RFX2: variants seen among roughly 807,000 people sequenced by gnomAD.
RFX2 encodes DNA-binding protein RFX2.
In RFX2, 20 loss-of-function variants were observed where a neutral mutation model predicts 87.8. That is an observed-to-expected ratio of 0.23 (90% CI 0.16 to 0.33). RFX2 has a LOEUF of 0.33. RFX2 is among the 10% of genes least tolerant of loss of function. RFX2 has a pLI of 1.00. For missense variants in RFX2, 767 were observed against 1,012.3 expected (o/e 0.76, Z 3.29); for synonymous variants, 397 against 431.3 (o/e 0.92, Z 0.98).
At chr19:6,094,786 T>C (rs1263069830) in intron 1 of RFX2, among the ~76,000 whole-genome samples, 1 of 152,254 alleles carries the variant, frequency 6.6e-6, no homozygotes, top group Non-Finnish European at 1.5e-5. Context: ...GTTCATTGGA[T>C]GAAATGTATT....
At position 6,007,543 on chromosome 19, in the gene RFX2, CA is replaced by C; in HGVS notation, c.1247+146del. On this transcript the variant is annotated intron_variant, in intron 11 of 17. Coordinates refer to ENST00000303657, the MANE Select transcript of RFX2 (RefSeq NM_000635.4). This position sits in a 1 kb window ranked among gnomAD's most constrained non-coding sequence, Gnocchi z 8.2. ...AATGTGAATTTCAAGTCAACTCTAC[CA>C]AGTCTAAAAATTACAGGGATGGAGG... 1 of 618,180 alleles carries C rather than the reference CA, an allele frequency of 1.6e-6. No homozygotes were observed. Among genetic ancestry groups the C allele is most frequent in the Non-Finnish European group, 2.9e-6 (1 of 345,368 alleles). The allele number at this position is 618,180 out of a possible 1,614,324, so 38.3% of individuals were successfully genotyped here.
In RFX2 at chr19:6,021,010, C is replaced by G. The variant is rs1007998768; in HGVS notation, c.598-4739G>C. ...GGTTCTGGGCTCTTTGCAGGCACAG[C>G]CCCTGTGGACAGATATCCTCACCTG... On this transcript the variant is annotated intron_variant, in intron 6 of 17. Coordinates refer to ENST00000303657, the MANE Select transcript of RFX2 (RefSeq NM_000635.4). This position sits in a 1 kb window ranked among gnomAD's most constrained non-coding sequence, Gnocchi z 5.7. Among the ~76,000 whole-genome samples, 3 of 152,194 alleles carry G rather than the reference C, an allele frequency of 2.0e-5. No homozygotes were observed. The highest frequency in any genetic ancestry group is 7.2e-5 in the African/African-American group (3 of 41,442).
In RFX2 at chr19:6,027,810, G is replaced by GAGTGC. The variant is rs2086910545; in HGVS notation, c.523-1578_523-1574dup. Among the ~76,000 whole-genome samples, 1 of 152,218 alleles carries GAGTGC rather than the reference G, an allele frequency of 6.6e-6. No homozygotes were observed. Among genetic ancestry groups the GAGTGC allele is most frequent in the Non-Finnish European group, 1.5e-5 (1 of 68,032 alleles). ...GAGTCTTACTCTGTTTCCCAGGCTG[G>GAGTGC]AGTGCAGTGATGTGATCTCGGCTCA... On this transcript the variant is annotated intron_variant, in intron 5 of 17. Transcript: ENST00000303657. This position sits in a 1 kb window ranked among gnomAD's most constrained non-coding sequence, Gnocchi z 5.0.
rs1431938567 is a variant in RFX2 at position 6,016,452 on chromosome 19, G to C, written c.598-181C>G. ...GTCACCCAGTCTGGAGTACAGTGGC[G>C]CAATCTCGGCTCACTGCAGCCTCTG... On this transcript the variant is annotated intron_variant, in intron 6 of 17. Transcript: ENST00000303657. The surrounding 1 kb of genome is among the most constrained non-coding windows in gnomAD (Gnocchi z 5.4). 6.6e-6 allele frequency among the ~76,000 whole-genome samples: 1 copy of C among 152,122 alleles called. No individual in the cohort carries two copies. The highest frequency in any genetic ancestry group is 2.4e-5 in the African/African-American group (1 of 41,408).
intron 1 of RFX2, chr19:6,073,445 A>G (rs1486514197): frequency 2.0e-6 from 2 of 975,862 alleles, no homozygotes; most frequent in Non-Finnish European, 3.1e-6. Context: ...TTCCTCCAAG[A>G]AACAAAACCA....
At chr19:6,032,519 G>A (rs2086965823) in intron 5 of RFX2, among the ~76,000 whole-genome samples, 1 of 152,204 alleles carries the variant, frequency 6.6e-6, no homozygotes, top group African/African-American at 2.4e-5. Context: ...GCCTGGAGAA[G>A]GGAAAAGCCC....
chr19:6,009,346 G>A (rs1366834924), intron 9 of RFX2, among the ~76,000 whole-genome samples: 1 of 151,944 alleles, frequency 6.6e-6, no homozygotes, highest in Non-Finnish European at 1.5e-5. Flanking sequence ...CCACCCCCCT[G>A]CCCTCCCTCA....
intron 1 of RFX2, among the ~76,000 whole-genome samples, chr19:6,075,212 G>A (rs2087673906): frequency 6.6e-6 from 1 of 152,082 alleles, no homozygotes; most frequent in Non-Finnish European, 1.5e-5. Context: ...TGCTGAAACA[G>A]CCCAAACAGA....
rs1460565012 is a variant in RFX2 at position 6,010,056 on chromosome 19, A to C, written c.1015+80T>G. On this transcript the variant is annotated intron_variant, in intron 9 of 17. Coordinates refer to ENST00000303657, the MANE Select transcript of RFX2 (RefSeq NM_000635.4). The surrounding 1 kb of genome is among the most constrained non-coding windows in gnomAD (Gnocchi z 5.0). ...TGTCGGAAGCAGACGCTTAGACACC[A>C]CTGGTTCTGCTGGTGTTGAAACCCA... The C allele has an allele frequency of 9.8e-6, 8 of 819,280 alleles. No homozygotes were observed. Among genetic ancestry groups the C allele is most frequent in the Non-Finnish European group, 1.6e-5 (8 of 511,794 alleles). 50.8% of individuals were successfully genotyped at this position (819,280 alleles called of 1,614,324 possible). A position where few individuals can be genotyped will look rare whatever the true frequency, so the allele number is the denominator to read the frequency against.
intron 1 of RFX2, among the ~76,000 whole-genome samples, chr19:6,085,436 A>G (rs1007621687): frequency 2.6e-5 from 4 of 152,248 alleles, no homozygotes; most frequent in Non-Finnish European, 4.4e-5. Context: ...AAGAAAGAGA[A>G]ATATCTACTC....
intron 1 of RFX2, chr19:6,049,087 G>A (rs1304183889): frequency 6.6e-6 from 1 of 152,200 alleles, no homozygotes; most frequent in Non-Finnish European, 1.5e-5. Flanking sequence ...ATTTCCCATA[G>A]TGTATTTCCT....
At position 6,026,675 on chromosome 19, in the gene RFX2, C is replaced by T. The variant is rs2086892522; in HGVS notation, c.523-438G>A. On this transcript the variant is annotated intron_variant, in intron 5 of 17. Coordinates refer to ENST00000303657, the MANE Select transcript of RFX2 (RefSeq NM_000635.4). This position sits in a 1 kb window ranked among gnomAD's most constrained non-coding sequence, Gnocchi z 4.5. ...GCAAGGAGAGATGGCAGCCTTGACTCCCCAGCCAGGCTGTCCTGTCGCAAA... is the reference window on the plus strand; with the variant it reads ...GCAAGGAGAGATGGCAGCCTTGACTTCCCAGCCAGGCTGTCCTGTCGCAAA... The T allele has an allele frequency of 5.2e-6, 1 of 191,210 alleles. No individual in the cohort carries two copies. The highest frequency in any genetic ancestry group is 1.1e-5 in the Non-Finnish European group (1 of 92,022). 11.8% of individuals were successfully genotyped at this position (191,210 alleles called of 1,614,324 possible).
Position 5,994,479 on chromosome 19 carries a change from C to T in RFX2, c.*356G>A. On this transcript the variant is annotated 3_prime_UTR_variant, in exon 18 of 18. Coordinates refer to ENST00000303657, the MANE Select transcript of RFX2 (RefSeq NM_000635.4). The stretch of plus-strand genomic sequence containing the variant: ...ATTGGTTCCAGTTGAGTGCAGAGGC[C>T]AGTGCTCTCAGCACAGCCCTTTCAG... 8.7e-6 allele frequency: 2 copies of T among 228,710 alleles called. No homozygotes were observed. The highest frequency in any genetic ancestry group is 5.2e-5 in the Admixed American group (1 of 19,294). The allele number at this position is 228,710 out of a possible 1,614,324, so 14.2% of individuals were successfully genotyped here. A position where few individuals can be genotyped will look rare whatever the true frequency, so the allele number is the denominator to read the frequency against.
chr19:6,032,604 TTGTC>T lies in RFX2; in HGVS notation c.523-6371_523-6368del, dbSNP rs1236198435. On this transcript the variant is annotated intron_variant, in intron 5 of 17. Coordinates refer to ENST00000303657, the MANE Select transcript of RFX2 (RefSeq NM_000635.4). The stretch of plus-strand genomic sequence containing the variant: ...AGGGAGATGGGGCATTTTAATCCCT[TTGTC>T]TGTTCCTCCCAACTCCCACTTGGCA... 3.9e-5 allele frequency among the ~76,000 whole-genome samples: 6 copies of T among 152,234 alleles called. No individual in the cohort carries two copies. The South Asian group carries it at 1.2e-3, about 32-fold the overall frequency.
At position 6,040,398 on chromosome 19, in the gene RFX2, C is replaced by T. The variant is rs1390632056; in HGVS notation, c.261-157G>A. 6.6e-6 allele frequency among the ~76,000 whole-genome samples: 1 copy of T among 152,160 alleles called. No homozygotes were observed. Among genetic ancestry groups the T allele is most frequent in the Non-Finnish European group, 1.5e-5 (1 of 68,040 alleles). On this transcript the variant is annotated intron_variant, in intron 4 of 17. Coordinates refer to ENST00000303657, the MANE Select transcript of RFX2 (RefSeq NM_000635.4). The surrounding 1 kb of genome is among the most constrained non-coding windows in gnomAD (Gnocchi z 6.1). ...CGTGGCATATGACACTCAAATGCAG[C>T]GCAAGTTCACAGCCACCATGTTGCA...
rs773089167 is a variant in RFX2, at chr19:6,002,049, C to T, written c.1651-26G>A. 1.9e-6 allele frequency: 3 copies of T among 1,568,878 alleles called. No homozygotes were observed. Among genetic ancestry groups the T allele is most frequent in the Non-Finnish European group, 2.6e-6 (3 of 1,155,546 alleles). On this transcript the variant is annotated intron_variant, in intron 14 of 17. Coordinates refer to ENST00000303657, the MANE Select transcript of RFX2 (RefSeq NM_000635.4). The surrounding 1 kb of genome is among the most constrained non-coding windows in gnomAD (Gnocchi z 6.7). Reference sequence around the variant, plus strand: ...CTGTGGGCAGGGCAGAGGCCAGTGTCAGCAATGTGGACCCCCAGCCACGGC... The same window carrying T: ...CTGTGGGCAGGGCAGAGGCCAGTGTTAGCAATGTGGACCCCCAGCCACGGC...
At chr19:6,029,858 G>A (rs1185121502) in intron 5 of RFX2, among the ~76,000 whole-genome samples, 2 of 152,194 alleles carry the variant, frequency 1.3e-5, no homozygotes, top group Admixed American at 6.6e-5. Context: ...TTCACTAGGG[G>A]AGGTTCAACA....
In RFX2 at chr19:6,024,385, T is replaced by G. The variant is rs2086858545; in HGVS notation, c.597+1778A>C. ...GAGGATGTCATCCAGCAGTGACAGA[T>G]GACAGGATGACCATGTCCTACCCAG... On this transcript the variant is annotated intron_variant, in intron 6 of 17. Coordinates refer to ENST00000303657, the MANE Select transcript of RFX2 (RefSeq NM_000635.4). The surrounding 1 kb of genome is among the most constrained non-coding windows in gnomAD (Gnocchi z 5.0). 6.6e-6 allele frequency among the ~76,000 whole-genome samples: 1 copy of G among 152,174 alleles called. No homozygotes were observed. Among genetic ancestry groups the G allele is most frequent in the Non-Finnish European group, 1.5e-5 (1 of 68,020 alleles).
At chr19:6,095,309 T>G (rs1464851614) in intron 1 of RFX2, among the ~76,000 whole-genome samples, 4 of 152,186 alleles carry the variant, frequency 2.6e-5, no homozygotes, top group Non-Finnish European at 5.9e-5. Context: ...AGCAAAATGA[T>G]TTTTAGATGT....
Sources: allele counts gnomAD v4.1 joint callset (sites outside exome capture counted in the v4.1 genomes callset), GRCh38; gene constraint gnomAD v4.1.1; non-coding constraint Gnocchi (gnomAD v3.1); transcripts MANE v1.5; gene names NCBI Gene and HGNC (gene_info 2026-07-23, HGNC 2026-07-21).